OXR1: variants seen among roughly 807,000 people sequenced by gnomAD.
OXR1 encodes the protein oxidation resistance 1.
In OXR1, 41 loss-of-function variants were observed where a neutral mutation model predicts 104.6. The ratio of observed to expected loss-of-function variants is 0.39; its 90% confidence interval spans 0.31 to 0.51. The LOEUF (loss-of-function observed/expected upper bound fraction) is 0.51, where lower values mean the gene tolerates loss of function less well. OXR1 is among the 20% of genes least tolerant of loss of function. The pLI, the probability that OXR1 is intolerant of heterozygous loss-of-function variation, is 0.77. For synonymous variants in OXR1, 348 were observed against 348.4 expected (o/e 1.00, Z 0.01); for missense variants, 955 against 1,031.9 (o/e 0.93, Z 1.02).
rs952042501 is a variant in OXR1 at position 106,540,031 on chromosome 8, T to C, written c.220+20892T>C. ...TTAATATTTAAGAAATTTAAATATT[T>C]ATTTCTTTTCTGTCTTTGAAAAAGT... On this transcript the variant is annotated intron_variant, in intron 3 of 16. Coordinates refer to ENST00000517566, the MANE Select transcript of OXR1 (RefSeq NM_001198533.2). Among the ~76,000 whole-genome samples, 17 of 152,208 alleles carry C rather than the reference T, an allele frequency of 1.1e-4. 1 individual carries two copies. The highest frequency in any genetic ancestry group is 1.1e-3 in the Admixed American group (17 of 15,280).
At chr8:106,461,981 A>G (rs1460460682) in intron 2 of OXR1, among the ~76,000 whole-genome samples, 2 of 152,162 alleles carry the variant, frequency 1.3e-5, no homozygotes, top group East Asian at 3.9e-4. Flanking sequence ...AGGGACTTGG[A>G]TTACTAGTGA....
At chr8:106,691,950 A>G (rs1430537519) in intron 6 of OXR1, among the ~76,000 whole-genome samples, 4 of 148,924 alleles carry the variant, frequency 2.7e-5, no homozygotes, top group Non-Finnish European at 5.9e-5. Context: ...AAAAAAAACC[A>G]AGAAGCGTAT....
At chr8:106,381,582 G>C (rs1817150954) in intron 2 of OXR1, among the ~76,000 whole-genome samples, 1 of 152,162 alleles carries the variant, frequency 6.6e-6, no homozygotes, top group Non-Finnish European at 1.5e-5. Flanking sequence ...ACCTTGCTCA[G>C]ATGTGGGATC....
chr8:106,544,283 A>G lies in OXR1; in HGVS notation c.220+25144A>G, dbSNP rs369465289. Reference sequence around the variant, plus strand: ...CCAAAGGGAGGCAGATGTGCAACACACAGGTAATAAGGGAGTTCCTTAGCA... The same window carrying G: ...CCAAAGGGAGGCAGATGTGCAACACGCAGGTAATAAGGGAGTTCCTTAGCA... On this transcript the variant is annotated intron_variant, in intron 3 of 16. Coordinates refer to ENST00000517566, the MANE Select transcript of OXR1 (RefSeq NM_001198533.2). 5.2e-4 allele frequency among the ~76,000 whole-genome samples: 79 copies of G among 151,620 alleles called. No homozygotes were observed. The South Asian group carries it at 9.4e-3, about 18-fold the overall frequency.
intron 7 of OXR1, among the ~76,000 whole-genome samples, chr8:106,693,826 A>G (rs569251376): frequency 6.6e-6 from 1 of 152,254 alleles, no homozygotes; most frequent in East Asian, 1.9e-4. Flanking sequence ...TTGGAAAATA[A>G]ACTCCAGATT....
chr8:106,748,481 A>C (rs1274546946), intron 16 of OXR1, among the ~76,000 whole-genome samples: 1 of 145,356 alleles, frequency 6.9e-6, no homozygotes, highest in African/African-American at 2.6e-5. Flanking sequence ...GTGACACTGG[A>C]TGATCTCTTT....
At chr8:106,713,312 A>G (rs892518613) in intron 10 of OXR1, among the ~76,000 whole-genome samples, 2 of 151,928 alleles carry the variant, frequency 1.3e-5, no homozygotes, top group African/African-American at 4.8e-5. Flanking sequence ...CAAAACATTG[A>G]AAAGGGGAAC....
chr8:106,677,370 A>G (rs1827707895), intron 3 of OXR1, among the ~76,000 whole-genome samples: 1 of 152,126 alleles, frequency 6.6e-6, no homozygotes, highest in Non-Finnish European at 1.5e-5. Flanking sequence ...AAATTTAAAT[A>G]TAAACTATTC....
chr8:106,619,498 A>G (rs1043083238), intron 3 of OXR1, among the ~76,000 whole-genome samples: 1 of 152,222 alleles, frequency 6.6e-6, no homozygotes, highest in Non-Finnish European at 1.5e-5. Flanking sequence ...TTTTGAGCCC[A>G]AACAATTTTT....
chr8:106,436,690 T>A (rs751276952), intron 2 of OXR1, among the ~76,000 whole-genome samples: 4 of 152,166 alleles, frequency 2.6e-5, no homozygotes, highest in Non-Finnish European at 5.9e-5. Flanking sequence ...ATCTCTTTAC[T>A]GTATGTTTCT....
chr8:106,636,724 C>A (rs1421576442), intron 3 of OXR1, among the ~76,000 whole-genome samples: 3 of 135,890 alleles, frequency 2.2e-5, no homozygotes, highest in Admixed American at 7.4e-5. Flanking sequence ...TAAACGAATA[C>A]CTATTAGGAG....
At chr8:106,646,293 G>C (rs1005914322) in intron 3 of OXR1, among the ~76,000 whole-genome samples, 3 of 151,552 alleles carry the variant, frequency 2.0e-5, no homozygotes, top group African/African-American at 4.8e-5. Flanking sequence ...TTTTAGTAGA[G>C]ATTGGTTTTC....
chr8:106,485,350 A>C (rs1438557540), intron 2 of OXR1, among the ~76,000 whole-genome samples: 1 of 152,144 alleles, frequency 6.6e-6, no homozygotes, highest in Non-Finnish European at 1.5e-5. Flanking sequence ...GTATAAGTTT[A>C]TCAAGTGTAA....
chr8:106,397,901 C>T (rs1817845400), intron 2 of OXR1, among the ~76,000 whole-genome samples: 1 of 152,136 alleles, frequency 6.6e-6, no homozygotes, highest in Non-Finnish European at 1.5e-5. Flanking sequence ...ATCAAGATGT[C>T]TGTAAGGTTG....
At chr8:106,658,173 C>G in intron 3 of OXR1, 2 of 1,242,788 alleles carry the variant, frequency 1.6e-6, no homozygotes, top group Non-Finnish European at 2.0e-6. Context: ...GCCGTCCAGC[C>G]CGGAGGGACC....
At chr8:106,684,596 T>C (rs1446678553) in intron 6 of OXR1, among the ~76,000 whole-genome samples, 2 of 152,216 alleles carry the variant, frequency 1.3e-5, no homozygotes, top group Non-Finnish European at 2.9e-5. Context: ...TCATCAACTC[T>C]TATTTTTTAA....
chr8:106,545,338 A>G (rs1011369002), intron 3 of OXR1, among the ~76,000 whole-genome samples: 2 of 152,246 alleles, frequency 1.3e-5, no homozygotes, highest in African/African-American at 4.8e-5. Context: ...TGACTTAAAT[A>G]AAGTAGCCAA....
At chr8:106,656,137 A>G (rs1825052097) in intron 3 of OXR1, 1 of 152,232 alleles carries the variant, frequency 6.6e-6, no homozygotes, top group African/African-American at 2.4e-5. Context: ...TGAACTCAGA[A>G]GTAGTGTGAA....
chr8:106,341,525 A>G (rs934264290), intron 1 of OXR1, among the ~76,000 whole-genome samples: 4 of 152,184 alleles, frequency 2.6e-5, no homozygotes, highest in African/African-American at 9.7e-5. Flanking sequence ...GAAGACAGGA[A>G]TATCAAATAT....
Sources: allele counts gnomAD v4.1 joint callset (sites outside exome capture counted in the v4.1 genomes callset), GRCh38; gene constraint gnomAD v4.1.1; transcripts MANE v1.5; gene names NCBI Gene and HGNC (gene_info 2026-07-23, HGNC 2026-07-21).